Variants in CNTN5 observed in about 807,000 individuals in gnomAD.
CNTN5 encodes the protein contactin 5, also known as contactin-5.
Under a neutral mutation model 129.1 loss-of-function variants are expected in CNTN5, and 77 were observed. That is an observed-to-expected ratio of 0.60 (90% CI 0.50 to 0.72). CNTN5 has a LOEUF of 0.72. CNTN5 is among the 30% of genes least tolerant of loss of function. The pLI, the probability that CNTN5 is intolerant of heterozygous loss-of-function variation, is 0.00. For missense variants in CNTN5, 1,478 were observed against 1,328.8 expected (o/e 1.11, Z -1.75); for synonymous variants, 509 against 465.6 (o/e 1.09, Z -1.20).
chr11:99,143,011 C>T (rs1411130447), intron 1 of CNTN5, among the ~76,000 whole-genome samples: 2 of 152,122 alleles, frequency 1.3e-5, no homozygotes, highest in Non-Finnish European at 2.9e-5. Flanking sequence ...CCACTCTGTC[C>T]ACTCTCAACG....
intron 4 of CNTN5, among the ~76,000 whole-genome samples, chr11:99,823,220 G>T (rs1946854811): frequency 6.6e-6 from 1 of 152,094 alleles, no homozygotes; most frequent in Non-Finnish European, 1.5e-5. Flanking sequence ...TCATTTTCTG[G>T]GTTTCCTTTC....
At chr11:99,727,469 T>A (rs957951071) in intron 3 of CNTN5, among the ~76,000 whole-genome samples, 2 of 151,924 alleles carry the variant, frequency 1.3e-5, no homozygotes, top group African/African-American at 4.8e-5. Flanking sequence ...ACCCAAACCT[T>A]ATCACTAAAT....
At chr11:100,278,166 C>T (rs534145086) in intron 18 of CNTN5, among the ~76,000 whole-genome samples, 1 of 152,102 alleles carries the variant, frequency 6.6e-6, no homozygotes, top group Non-Finnish European at 1.5e-5. Context: ...TTCCATTGGT[C>T]AATGTGTCTG....
intron 3 of CNTN5, among the ~76,000 whole-genome samples, chr11:99,580,269 A>G (rs1195834171): frequency 6.6e-6 from 1 of 152,192 alleles, no homozygotes; most frequent in Non-Finnish European, 1.5e-5. Flanking sequence ...AATGTTCATC[A>G]AAGATATTGG....
intron 2 of CNTN5, among the ~76,000 whole-genome samples, chr11:99,331,216 A>G (rs904236874): frequency 3.9e-5 from 6 of 152,084 alleles, no homozygotes; most frequent in Admixed American, 6.6e-5. Flanking sequence ...CTCAGAGAAC[A>G]TTTTCTGCCT....
chr11:99,337,373 A>T (rs917484935), intron 2 of CNTN5, among the ~76,000 whole-genome samples: 2 of 152,164 alleles, frequency 1.3e-5, no homozygotes, highest in Admixed American at 1.3e-4. Flanking sequence ...CCCGGAACAG[A>T]CATTTACCCA....
chr11:100,191,246 T>TTC lies in CNTN5; in HGVS notation c.1701_1702insTC (p.Val568SerfsTer2). 1 of 1,612,136 alleles carries TTC rather than the reference T, an allele frequency of 6.2e-7. No individual in the cohort carries two copies. Among genetic ancestry groups the TTC allele is most frequent in the Non-Finnish European group, 8.5e-7 (1 of 1,178,908 alleles). The stretch of plus-strand genomic sequence containing the variant: ...CTGCTGAAATTATAGCTTCGCTATC[T>TTC]GTAAAAGGTAAGACAGCACGGGTAA... On this transcript the variant is annotated frameshift_variant, in exon 14 of 25. Transcript: ENST00000524871. LOFTEE classifies it high-confidence loss of function.
intron 1 of CNTN5, among the ~76,000 whole-genome samples, chr11:99,179,655 T>G (rs758883858): frequency 1.8e-4 from 28 of 152,224 alleles, no homozygotes; most frequent in Non-Finnish European, 3.7e-4. Context: ...GGATTATTTC[T>G]AATTTAATTT....
At chr11:99,757,977 A>G (rs2135261548) in intron 3 of CNTN5, among the ~76,000 whole-genome samples, 1 of 152,218 alleles carries the variant, frequency 6.6e-6, no homozygotes, top group African/African-American at 2.4e-5. Flanking sequence ...TTTCTTTTAT[A>G]AACATTTTGC....
chr11:99,547,536 G>T (rs572696697), intron 2 of CNTN5, among the ~76,000 whole-genome samples: 5 of 152,172 alleles, frequency 3.3e-5, no homozygotes, highest in Admixed American at 2.6e-4. Flanking sequence ...AACAGCAGGA[G>T]GTTGTAAAGA....
At chr11:100,178,296 C>T (rs73560688) in intron 13 of CNTN5, among the ~76,000 whole-genome samples, 1 of 152,084 alleles carries the variant, frequency 6.6e-6, no homozygotes, top group Admixed American at 6.6e-5. Context: ...ACATACCATG[C>T]TCACTTTTGA....
intron 1 of CNTN5, among the ~76,000 whole-genome samples, chr11:99,059,408 T>C (rs78611300): frequency 0.014 from 2,059 of 152,244 alleles, 19 homozygotes; most frequent in Middle Eastern, 0.031. Context: ...TGGAAGATGC[T>C]TCATTGGTTT....
rs1555113490 is a variant in CNTN5, at chr11:99,792,573, G to GTCTGTCTGTC, written c.56-26970_56-26969insCTGTCTGTCT. Among the ~76,000 whole-genome samples, 102 of 116,684 alleles carry GTCTGTCTGTC rather than the reference G, an allele frequency of 8.7e-4. 1 individual carries two copies. The South Asian group carries it at 0.015, about 17-fold the overall frequency. 76.5% of individuals were successfully genotyped at this position (116,684 alleles called of 152,430 possible). On this transcript the variant is annotated intron_variant, in intron 3 of 24. Transcript: ENST00000524871. ...TGTGTGTGTGTGTGTGTGTGTGTGT[G>GTCTGTCTGTC]TGTCTGTCTGTCTGTCTGTCTGTCT...
chr11:100,291,893 C>G (rs1400766538), intron 18 of CNTN5, among the ~76,000 whole-genome samples: 1 of 150,944 alleles, frequency 6.6e-6, no homozygotes, highest in Admixed American at 6.6e-5. Context: ...AACAAACAAA[C>G]AACAACAAAA....
chr11:99,628,777 A>T (rs993959987), intron 3 of CNTN5, among the ~76,000 whole-genome samples: 39 of 152,080 alleles, frequency 2.6e-4, no homozygotes, highest in African/African-American at 9.4e-4. Context: ...CTTCTGTTTG[A>T]TTTTTTTCCT....
intron 8 of CNTN5, among the ~76,000 whole-genome samples, chr11:99,984,149 T>C (rs544587932): frequency 1.0e-3 from 158 of 152,144 alleles, no homozygotes; most frequent in South Asian, 8.7e-3. Flanking sequence ...TGGTGGTACA[T>C]GCCTGTAGTC....
At chr11:99,453,105 G>T (rs1423979545) in intron 2 of CNTN5, among the ~76,000 whole-genome samples, 1 of 151,984 alleles carries the variant, frequency 6.6e-6, no homozygotes, top group Non-Finnish European at 1.5e-5. Context: ...TTCATATTTC[G>T]GTTAGAACCT....
chr11:99,763,019 C>T (rs1944636962), intron 3 of CNTN5, among the ~76,000 whole-genome samples: 1 of 152,056 alleles, frequency 6.6e-6, no homozygotes, highest in South Asian at 2.1e-4. Context: ...CAAATCTATG[C>T]CAGTGTTTCC....
At chr11:100,042,521 C>A (rs1037321015) in intron 9 of CNTN5, among the ~76,000 whole-genome samples, 1 of 152,156 alleles carries the variant, frequency 6.6e-6, no homozygotes, top group Non-Finnish European at 1.5e-5. Context: ...TAGTGATTTG[C>A]AGTTGGGGAG....
Sources: allele counts gnomAD v4.1 joint callset (sites outside exome capture counted in the v4.1 genomes callset), GRCh38; gene constraint gnomAD v4.1.1; transcripts MANE v1.5; gene names NCBI Gene and HGNC (gene_info 2026-07-23, HGNC 2026-07-21).